Variants in POU6F2 observed in about 807,000 individuals in gnomAD.
The protein encoded by POU6F2 is POU domain, class 6, transcription factor 2.
A neutral mutation model predicts 71.3 loss-of-function variants in POU6F2; 31 were observed. The observed-to-expected ratio is 0.43, with a 90% CI of 0.33 to 0.59. POU6F2 has a LOEUF of 0.59. Among genes scored for constraint, POU6F2 ranks in the 20% least tolerant of loss-of-function variants. The pLI is 0.04. For synonymous variants in POU6F2, 347 were observed against 355.7 expected (o/e 0.98, Z 0.27); for missense variants, 783 against 856.8 (o/e 0.91, Z 1.07).
At chr7:39,406,853 A>C in intron 6 of POU6F2, 113 bp downstream of exon 6, 1 of 1,390,882 alleles carries the variant, frequency 7.2e-7, no homozygotes, top group Non-Finnish European at 1.0e-6. Flanking sequence ...GAGGCAAATA[A>C]ATAATGTTTA....
At chr7:38,994,968 ATCT>A (rs1788698458) in intron 1 of POU6F2, among the ~76,000 whole-genome samples, 3 of 152,188 alleles carry the variant, frequency 2.0e-5, no homozygotes, top group Admixed American at 6.5e-5. Flanking sequence ...ATCAACTCAG[ATCT>A]TCTTATTGAA....
At chr7:39,303,492 G>A (rs928406796) in intron 4 of POU6F2, among the ~76,000 whole-genome samples, 3 of 152,008 alleles carry the variant, frequency 2.0e-5, no homozygotes, top group Non-Finnish European at 4.4e-5. Context: ...TAATATGGAT[G>A]TGTAGAAACA....
At chr7:39,279,322 C>T (rs1020533691) in intron 4 of POU6F2, among the ~76,000 whole-genome samples, 1 of 152,140 alleles carries the variant, frequency 6.6e-6, no homozygotes, top group African/African-American at 2.4e-5. Flanking sequence ...CAGCATCTGC[C>T]TAGGGGTTGC....
intron 1 of POU6F2, chr7:39,034,405 A>G: frequency 2.9e-6 from 1 of 339,760 alleles, no homozygotes; most frequent in South Asian, 2.2e-5. Context: ...GCAGATAGAG[A>G]AGAAAATGAC....
chr7:39,266,373 G>C (rs997508188), intron 4 of POU6F2, among the ~76,000 whole-genome samples: 1 of 152,150 alleles, frequency 6.6e-6, no homozygotes, highest in Non-Finnish European at 1.5e-5. Flanking sequence ...TCAGCAAAGA[G>C]CTCCTGAATA....
chr7:39,105,554 G>A (rs75788207), intron 2 of POU6F2, among the ~76,000 whole-genome samples: 18 of 152,090 alleles, frequency 1.2e-4, no homozygotes, highest in Non-Finnish European at 1.9e-4. Flanking sequence ...CTCAGCACAG[G>A]CAAGAATAAG....
chr7:39,196,870 C>T (rs1241721528), intron 2 of POU6F2, among the ~76,000 whole-genome samples: 1 of 152,116 alleles, frequency 6.6e-6, no homozygotes, highest in Non-Finnish European at 1.5e-5. Flanking sequence ...TCTGAGGTTT[C>T]TTGAAGGAAA....
At chr7:39,263,003 G>A (rs906463678) in intron 4 of POU6F2, among the ~76,000 whole-genome samples, 7 of 152,130 alleles carry the variant, frequency 4.6e-5, no homozygotes, top group Non-Finnish European at 7.4e-5. Flanking sequence ...ATAAGATCAC[G>A]TTAAAGATGA....
At chr7:39,062,845 A>AG (rs1305168152) in intron 1 of POU6F2, among the ~76,000 whole-genome samples, 100 of 137,934 alleles carry the variant, frequency 7.2e-4, no homozygotes, top group African/African-American at 2.6e-3. Context: ...TGAGCCCAGG[A>AG]GTTTTTTGTT....
chr7:38,999,414 G>A (rs568374478), intron 1 of POU6F2, among the ~76,000 whole-genome samples: 10 of 152,146 alleles, frequency 6.6e-5, no homozygotes, highest in African/African-American at 1.7e-4. Context: ...CATTTTTATC[G>A]CCATTCAGAA....
chr7:39,193,075 T>C (rs1273019445), intron 2 of POU6F2, among the ~76,000 whole-genome samples: 1 of 152,196 alleles, frequency 6.6e-6, no homozygotes, highest in Admixed American at 6.5e-5. Context: ...CTGGCTTGAC[T>C]GGGACCTGAG....
At chr7:39,349,975 C>T (rs1247363402) in intron 5 of POU6F2, among the ~76,000 whole-genome samples, 2 of 152,240 alleles carry the variant, frequency 1.3e-5, no homozygotes, top group African/African-American at 2.4e-5. Context: ...CCTTCATGGC[C>T]GCAGATGAAT....
At chr7:39,323,243 A>AGG (rs1242275004) in intron 4 of POU6F2, among the ~76,000 whole-genome samples, 1 of 152,086 alleles carries the variant, frequency 6.6e-6, no homozygotes, top group Non-Finnish European at 1.5e-5. Context: ...ATTTCAGGAG[A>AGG]GGGGGCAGTT....
At chr7:39,397,887 C>T (rs1284195695) in intron 5 of POU6F2, among the ~76,000 whole-genome samples, 3 of 144,606 alleles carry the variant, frequency 2.1e-5, no homozygotes, top group African/African-American at 5.2e-5. Context: ...GGTGCGATCT[C>T]GGCTCACTGC....
intron 5 of POU6F2, among the ~76,000 whole-genome samples, chr7:39,392,778 A>G (rs1021330611): frequency 6.6e-6 from 1 of 152,246 alleles, no homozygotes; most frequent in Non-Finnish European, 1.5e-5. Context: ...AAGACAGCCC[A>G]GGTGCCCAGA....
chr7:39,087,873 A>G (rs1395209105), intron 2 of POU6F2, among the ~76,000 whole-genome samples: 1 of 152,114 alleles, frequency 6.6e-6, no homozygotes, highest in South Asian at 2.1e-4. Flanking sequence ...ACTGTTATAG[A>G]TTTGTTATGC....
chr7:39,051,826 T>C (rs1790405679), intron 1 of POU6F2, among the ~76,000 whole-genome samples: 2 of 152,140 alleles, frequency 1.3e-5, no homozygotes, highest in South Asian at 4.1e-4. Context: ...TATTCAAACA[T>C]AGTGTATCCA....
chr7:39,179,604 T>A (rs1793399837), intron 2 of POU6F2, among the ~76,000 whole-genome samples: 1 of 152,260 alleles, frequency 6.6e-6, no homozygotes, highest in South Asian at 2.1e-4. Context: ...CCTGGGGATC[T>A]TAAAATGCAG....
intron 1 of POU6F2, among the ~76,000 whole-genome samples, chr7:39,021,331 C>A (rs2128706662): frequency 6.6e-6 from 1 of 151,838 alleles, no homozygotes; most frequent in South Asian, 2.1e-4. Flanking sequence ...TTCCTACTAG[C>A]AGATAATATT....
Sources: gnomAD v4.1 joint callset for allele counts (sites outside exome capture counted in the v4.1 genomes callset) on GRCh38, gnomAD v4.1.1 for gene constraint, MANE v1.5 for transcripts, NCBI Gene and HGNC (gene_info 2026-07-23, HGNC 2026-07-21) for gene names.